Variants in PDE4DIP observed in about 807,000 individuals in gnomAD.
PDE4DIP encodes myomegalin.
PDE4DIP carries 59 observed loss-of-function variants against 221.4 expected under a neutral mutation model. The ratio of observed to expected loss-of-function variants is 0.27; its 90% CI spans 0.22 to 0.33. The LOEUF is 0.33. Among genes scored for constraint, PDE4DIP ranks in the 10% least tolerant of loss-of-function variants. The probability of loss-of-function intolerance (pLI) is 1.00; values close to 1 mark genes in which losing one functional copy is unlikely to be tolerated. For synonymous variants in PDE4DIP, 404 were observed against 815.9 expected, an observed-to-expected ratio of 0.50 and a Z score of 8.60; for missense variants, 1,036 against 2,154.2, an observed-to-expected ratio of 0.48 and a Z score of 10.28.
chr1:149,023,839 T>C (rs1311007777), intron 37 of PDE4DIP, among the ~76,000 whole-genome samples: 1 of 135,370 alleles, frequency 7.4e-6, no homozygotes, highest in African/African-American at 2.6e-5. Flanking sequence ...TGTGTGCACA[T>C]ATATACACCT....
intron 5 of PDE4DIP, among the ~76,000 whole-genome samples, chr1:148,959,122 C>T (rs1413819398): frequency 1.3e-5 from 2 of 152,020 alleles, no homozygotes; most frequent in Admixed American, 1.3e-4. Context: ...ATATTTTTTG[C>T]ATTTCCTTGT....
chr1:148,975,044 G>A (rs1210539008), intron 17 of PDE4DIP, among the ~76,000 whole-genome samples: 100 of 132,764 alleles, frequency 7.5e-4, no homozygotes, highest in East Asian at 3.2e-3. Context: ...AGTGGCGGGC[G>A]CCTGTAATCC....
chr1:148,984,117 C>T (rs2061525574), intron 21 of PDE4DIP: 1 of 151,944 alleles, frequency 6.6e-6, no homozygotes, highest in Non-Finnish European at 1.5e-5. Context: ...ATTATTAGTA[C>T]CTAGTATAAA....
At chr1:148,990,198 TG>T in intron 21 of PDE4DIP, 1 of 984,482 alleles carries the variant, frequency 1.0e-6, no homozygotes, top group African/African-American at 1.7e-5. Context: ...CCCTCAAACA[TG>T]GGAGAAAAAG....
chr1:148,819,821 G>A (rs1398046904), intron 1 of PDE4DIP, among the ~76,000 whole-genome samples: 2 of 77,888 alleles, frequency 2.6e-5, no homozygotes, highest in Non-Finnish European at 4.6e-5. Flanking sequence ...GGACAGAGAA[G>A]ACATTTAAAA....
At chr1:148,903,087 G>T (rs1384940866) in intron 1 of PDE4DIP, among the ~76,000 whole-genome samples, 8 of 151,930 alleles carry the variant, frequency 5.3e-5, no homozygotes, top group Non-Finnish European at 1.0e-4. Flanking sequence ...TTATTTTTTT[G>T]ATTATGGCCA....
At chr1:149,022,246 AT>A (rs1230968119) in intron 37 of PDE4DIP, among the ~76,000 whole-genome samples, 10 of 146,314 alleles carry the variant, frequency 6.8e-5, no homozygotes, top group African/African-American at 2.3e-4. Flanking sequence ...AAGGGGCACC[AT>A]CTTTGAAAAG....
intron 1 of PDE4DIP, among the ~76,000 whole-genome samples, chr1:148,827,588 G>C (rs1233390643): frequency 4.4e-5 from 4 of 91,100 alleles, no homozygotes; most frequent in Admixed American, 1.2e-4. Flanking sequence ...ATACAGTTAT[G>C]CAACGATTTT....
chr1:149,007,315 A>G (rs1341424974), exon 28 of PDE4DIP: 1 of 1,573,318 alleles, frequency 6.4e-7, no homozygotes, highest in African/African-American at 1.4e-5. Flanking sequence ...AAGATACAGT[A>G]AAATCTTTTG....
chr1:149,015,765 T>G (rs1623160), intron 32 of PDE4DIP, among the ~76,000 whole-genome samples: 2 of 149,646 alleles, frequency 1.3e-5, no homozygotes, highest in African/African-American at 2.5e-5. Flanking sequence ...CAAAGAGTTC[T>G]TCAGTCTGGA....
chr1:149,017,329 G>A, intron 33 of PDE4DIP, among the ~76,000 whole-genome samples: 1 of 152,194 alleles, frequency 6.6e-6, no homozygotes, highest in Non-Finnish European at 1.5e-5. Context: ...GGGAGGAAGG[G>A]CTTTGTCCCT....
At position 149,004,164 on chromosome 1, in the gene PDE4DIP, G is replaced by T. The variant is rs587746415; in HGVS notation, c.3886+434G>T. On this transcript the variant is annotated intron_variant, in intron 26 of 43. Coordinates refer to ENST00000369354, the Ensembl canonical transcript of PDE4DIP. ...GTTAAGAGACAAGATCCTGGGGCCA[G>T]ACTGGTTGGTTCAAATCCCAGTTTG... is the stretch of plus-strand genomic sequence containing the variant. Among the ~76,000 whole-genome samples, 103 of 151,578 alleles carry T rather than the reference G, an allele frequency of 6.8e-4. 1 individual carries two copies. The highest frequency in any genetic ancestry group is 3.4e-3 in the Middle Eastern group (1 of 294).
intron 32 of PDE4DIP, among the ~76,000 whole-genome samples, chr1:149,012,979 G>C (rs1441182636): frequency 1.3e-5 from 2 of 151,794 alleles, no homozygotes; most frequent in African/African-American, 4.8e-5. Flanking sequence ...CAGTTAACAG[G>C]TAGATATGTT....
intron 38 of PDE4DIP, chr1:149,025,849 T>A (rs1553626881): frequency 6.6e-6 from 1 of 151,628 alleles, no homozygotes; most frequent in East Asian, 1.9e-4. Context: ...TATGCTGTTT[T>A]GGCAATTCAA....
At chr1:148,903,284 G>A (rs587666255) in intron 1 of PDE4DIP, among the ~76,000 whole-genome samples, 1 of 135,242 alleles carries the variant, frequency 7.4e-6, no homozygotes, top group African/African-American at 3.0e-5. Context: ...ATTTGTTTGA[G>A]TTTGTTGTAG....
rs587626895 is a variant in PDE4DIP at position 149,032,028 on chromosome 1, A to T, written c.*43A>T. ...CCATGCAAGAAGCGCAGCCACCAGA[A>T]GTCCTTAAAACAGCAGGAAAGGTGG... On this transcript the variant is annotated 3_prime_UTR_variant, in exon 44 of 44. Transcript: ENST00000369354. The T allele has an allele frequency of 9.3e-6, 15 of 1,611,364 alleles. No homozygotes were observed. The East Asian group carries it at 3.1e-4, about 34-fold the overall frequency.
chr1:148,879,750 C>T (rs1458625750), intron 3 of PDE4DIP, among the ~76,000 whole-genome samples: 2 of 144,206 alleles, frequency 1.4e-5, no homozygotes. Context: ...AAAAGGTGAG[C>T]CCATAAGTCA....
chr1:148,823,965 G>A (rs1669989330), intron 1 of PDE4DIP, among the ~76,000 whole-genome samples: 2 of 149,316 alleles, frequency 1.3e-5, no homozygotes, highest in Non-Finnish European at 3.0e-5. Flanking sequence ...CTTTACTGTA[G>A]AGAGAATAAT....
intron 4 of PDE4DIP, among the ~76,000 whole-genome samples, chr1:148,937,415 C>A: frequency 6.6e-6 from 1 of 152,052 alleles, no homozygotes; most frequent in East Asian, 1.9e-4. Context: ...ATCCAAGAAC[C>A]GTTTATTGAA....
Sources: allele counts gnomAD v4.1 joint callset (sites outside exome capture counted in the v4.1 genomes callset), GRCh38; gene constraint gnomAD v4.1.1; transcripts MANE v1.5; gene names NCBI Gene and HGNC (gene_info 2026-07-23, HGNC 2026-07-21).